Variants in PTCHD4 observed in about 807,000 individuals in gnomAD.
PTCHD4 encodes the protein patched domain-containing protein 4.
A neutral mutation model predicts 58.1 loss-of-function variants in PTCHD4; 33 were observed. The observed-to-expected ratio is 0.57, with a 90% confidence interval of 0.43 to 0.76. The LOEUF is 0.76. Among genes scored for constraint, PTCHD4 ranks in the 30% least tolerant of loss-of-function variants. The pLI, the probability that PTCHD4 is intolerant of heterozygous loss-of-function variation, is 0.00. For synonymous variants in PTCHD4, 478 were observed against 409.6 expected, an observed-to-expected ratio of 1.17 and a Z score of -2.02; for missense variants, 1,058 against 1,027.1, an observed-to-expected ratio of 1.03 and a Z score of -0.41.
intron 1 of PTCHD4, among the ~76,000 whole-genome samples, chr6:48,103,341 A>G (rs1765648899): frequency 6.6e-6 from 1 of 152,228 alleles, no homozygotes; most frequent in Non-Finnish European, 1.5e-5. Flanking sequence ...CCAGGCAAAC[A>G]GGGTCTGCAG....
chr6:47,945,012 T>C (rs1391699909), intron 4 of PTCHD4, among the ~76,000 whole-genome samples: 1 of 152,070 alleles, frequency 6.6e-6, no homozygotes, highest in Non-Finnish European at 1.5e-5. Context: ...AAGTAGATGC[T>C]AAGCAGGTGA....
At chr6:48,089,055 TAAA>T (rs1765315575) in intron 1 of PTCHD4, among the ~76,000 whole-genome samples, 1 of 151,666 alleles carries the variant, frequency 6.6e-6, no homozygotes, top group Non-Finnish European at 1.5e-5. Flanking sequence ...TCAAAACAAA[TAAA>T]TAAATAAATA....
intron 1 of PTCHD4, among the ~76,000 whole-genome samples, chr6:48,082,386 C>A (rs535776472): frequency 6.6e-6 from 1 of 152,308 alleles, no homozygotes; most frequent in Non-Finnish European, 1.5e-5. Context: ...CTCTCAATTC[C>A]TCAGTCATTT....
At chr6:47,902,487 A>T (rs186047425) in intron 4 of PTCHD4, among the ~76,000 whole-genome samples, 2 of 152,168 alleles carry the variant, frequency 1.3e-5, no homozygotes, top group Non-Finnish European at 2.9e-5. Flanking sequence ...GAAATGCATA[A>T]ATGGGAAAGT....
chr6:48,038,600 A>G (rs1239009123), intron 3 of PTCHD4, among the ~76,000 whole-genome samples: 3 of 149,840 alleles, frequency 2.0e-5, no homozygotes, highest in Non-Finnish European at 4.4e-5. Context: ...AGATCATGGC[A>G]CTGCATTTGA....
At chr6:48,046,493 ATTAT>A (rs1302386581) in intron 3 of PTCHD4, among the ~76,000 whole-genome samples, 2 of 151,834 alleles carry the variant, frequency 1.3e-5, no homozygotes, top group Non-Finnish European at 2.9e-5. Context: ...GGATGGATTG[ATTAT>A]TTTCTACCTT....
At chr6:47,988,469 A>T (rs1040456704) in intron 4 of PTCHD4, among the ~76,000 whole-genome samples, 1 of 152,220 alleles carries the variant, frequency 6.6e-6, no homozygotes, top group African/African-American at 2.4e-5. Flanking sequence ...TGAACTAATT[A>T]TAAAAACCTT....
intron 4 of PTCHD4, among the ~76,000 whole-genome samples, chr6:48,002,429 A>G (rs995840584): frequency 2.6e-5 from 4 of 152,226 alleles, no homozygotes; most frequent in African/African-American, 9.6e-5. Flanking sequence ...CTATGCAGCC[A>G]TAAAAAATGA....
intron 4 of PTCHD4, among the ~76,000 whole-genome samples, chr6:47,930,808 T>A (rs1765790821): frequency 6.6e-6 from 1 of 152,196 alleles, no homozygotes; most frequent in African/African-American, 2.4e-5. Context: ...TATTATTATT[T>A]TTTGAGATGG....
At chr6:48,078,102 T>C (rs779852308) in intron 1 of PTCHD4, among the ~76,000 whole-genome samples, 5 of 152,198 alleles carry the variant, frequency 3.3e-5, no homozygotes, top group Non-Finnish European at 5.9e-5. Flanking sequence ...GAAGTGTGCC[T>C]GTAATAGAAT....
At chr6:47,959,700 G>T (rs1226996781) in intron 4 of PTCHD4, among the ~76,000 whole-genome samples, 2 of 151,660 alleles carry the variant, frequency 1.3e-5, no homozygotes, top group Non-Finnish European at 2.9e-5. Flanking sequence ...ACAAAGATAA[G>T]AATTAAAGAA....
At chr6:48,100,753 G>C (rs1250207057) in intron 1 of PTCHD4, among the ~76,000 whole-genome samples, 1 of 152,118 alleles carries the variant, frequency 6.6e-6, no homozygotes, top group African/African-American at 2.4e-5. Context: ...TCATTGTTCT[G>C]TGTGTTTCTT....
At position 48,038,763 on chromosome 6, in the gene PTCHD4, A is replaced by T. The variant is rs558849341; in HGVS notation, c.417+29467T>A. 2.0e-4 allele frequency among the ~76,000 whole-genome samples: 31 copies of T among 152,194 alleles called. No individual in the cohort carries two copies. The South Asian group carries it at 6.2e-3, about 31-fold the overall frequency. ...AAGGAGTGGTGAGTAAGAAATTAAC[A>T]CAAGAGACTGGGATAATGAAAAGAT... is the stretch of plus-strand genomic sequence containing the variant. On this transcript the variant is annotated intron_variant, in intron 3 of 4. Transcript: ENST00000339488.
intron 1 of PTCHD4, among the ~76,000 whole-genome samples, chr6:48,072,239 C>CTATT (rs1179653844): frequency 6.6e-6 from 1 of 152,138 alleles, no homozygotes; most frequent in Non-Finnish European, 1.5e-5. Context: ...TCTATTTTCT[C>CTATT]TATTTATTCA....
At chr6:47,931,185 G>A (rs1383015011) in intron 4 of PTCHD4, among the ~76,000 whole-genome samples, 1 of 152,248 alleles carries the variant, frequency 6.6e-6, no homozygotes, top group Non-Finnish European at 1.5e-5. Context: ...GGACCTGGCA[G>A]CATCCTGCTT....
In PTCHD4 at chr6:48,027,119, A is replaced by G. The variant is rs767898788; in HGVS notation, c.418-18005T>C. 5.3e-5 allele frequency among the ~76,000 whole-genome samples: 8 copies of G among 152,254 alleles called. No homozygotes were observed. The East Asian group carries it at 1.2e-3, about 22-fold the overall frequency. ...TATGTTTATACATGTGTATGTATAT[A>G]TGATATGTATATGTAATATTTTTCT... On this transcript the variant is annotated intron_variant, in intron 3 of 4. Transcript: ENST00000339488.
intron 1 of PTCHD4, among the ~76,000 whole-genome samples, chr6:48,074,993 T>C (rs985757573): frequency 6.6e-5 from 10 of 152,104 alleles, no homozygotes; most frequent in Admixed American, 6.5e-4. Context: ...ATTATCTTTA[T>C]TTAAATAGAA....
At chr6:47,913,044 C>A (rs1486070958) in intron 4 of PTCHD4, among the ~76,000 whole-genome samples, 3 of 152,040 alleles carry the variant, frequency 2.0e-5, no homozygotes, top group Non-Finnish European at 2.9e-5. Context: ...CTAATTTATC[C>A]CCAATTTTAC....
intron 4 of PTCHD4, chr6:47,900,655 T>A (rs1002654902): frequency 6.6e-6 from 1 of 152,248 alleles, no homozygotes; most frequent in East Asian, 1.9e-4. Flanking sequence ...TTTGGGTTTT[T>A]ATGGATATCT....
Sources: gnomAD v4.1 joint callset for allele counts (sites outside exome capture counted in the v4.1 genomes callset) on GRCh38, gnomAD v4.1.1 for gene constraint, MANE v1.5 for transcripts, NCBI Gene and HGNC (gene_info 2026-07-23, HGNC 2026-07-21) for gene names.